TCOF1: variants seen among roughly 807,000 people sequenced by gnomAD.
The protein encoded by TCOF1 is treacle protein.
TCOF1 carries 33 observed loss-of-function variants against 149.0 expected under a neutral mutation model. The observed-to-expected ratio is 0.22, with a 90% confidence interval of 0.17 to 0.30. TCOF1 has a LOEUF of 0.30. Ranked by LOEUF, TCOF1 falls within the 10% of genes least tolerant of loss-of-function variation. The pLI is 1.00. For missense variants in TCOF1, 1,728 were observed against 1,840.7 expected (o/e 0.94, Z 1.12); for synonymous variants, 789 against 738.8 (o/e 1.07, Z -1.10).
At chr5:150,391,076 G>T (rs1167680954) in intron 19 of TCOF1, among the ~76,000 whole-genome samples, 1 of 152,138 alleles carries the variant, frequency 6.6e-6, no homozygotes, top group Non-Finnish European at 1.5e-5. Flanking sequence ...CAGGTACCAG[G>T]TCTTCGGGGG....
intron 2 of TCOF1, among the ~76,000 whole-genome samples, chr5:150,363,336 A>G (rs769914518): frequency 2.6e-5 from 4 of 152,192 alleles, no homozygotes; most frequent in Non-Finnish European, 5.9e-5. Flanking sequence ...CCAAACCATG[A>G]CAGAGCAGAG....
In TCOF1 at chr5:150,375,442, C is replaced by T; in HGVS notation, c.1592C>T (p.Pro531Leu). Residue 531 changes from proline to leucine, a missense_variant, in exon 11 of 27, where the codon CCT becomes CTT. Physicochemically the swap from Pro to Leu is moderately conservative, Grantham distance 98. Coordinates refer to ENST00000643257, the MANE Select transcript of TCOF1 (RefSeq NM_001371623.1). ...CCAGTGCCACCCGGGAAGGTGGGGCCTGCAACCCCCTCAGCCCAGGTGGGG... is the reference window on the plus strand; with the variant it reads ...CCAGTGCCACCCGGGAAGGTGGGGCTTGCAACCCCCTCAGCCCAGGTGGGG... Reference protein sequence around the residue: ...AGPVPPGKVGPATPSAQVGKW... With the variant: ...AGPVPPGKVGLATPSAQVGKW... 1 of 1,613,830 alleles carries T rather than the reference C, an allele frequency of 6.2e-7. No individual in the cohort carries two copies. Among genetic ancestry groups the T allele is most frequent in the Non-Finnish European group, 8.5e-7 (1 of 1,179,890 alleles).
chr5:150,371,564 G>C (rs968020877), intron 6 of TCOF1, among the ~76,000 whole-genome samples: 18 of 152,224 alleles, frequency 1.2e-4, no homozygotes, highest in African/African-American at 4.3e-4. Flanking sequence ...ATTTGCCCAA[G>C]GTGTGGCAAG....
chr5:150,368,361 A>G (rs1328644471), intron 4 of TCOF1: 2 of 365,576 alleles, frequency 5.5e-6, no homozygotes, highest in African/African-American at 4.1e-5. Flanking sequence ...TAATCCAGAA[A>G]GCAGAGTTAG....
At position 150,381,390 on chromosome 5, in the gene TCOF1, C is replaced by T. The variant is rs571210701; in HGVS notation, c.2859+1658C>T. Among the ~76,000 whole-genome samples, 158 of 152,340 alleles carry T rather than the reference C, an allele frequency of 1.0e-3. 1 individual carries two copies. Among genetic ancestry groups the T allele is most frequent in the African/African-American group, 3.6e-3 (150 of 41,580 alleles). On this transcript the variant is annotated intron_variant, in intron 17 of 26. Coordinates refer to ENST00000643257, the MANE Select transcript of TCOF1 (RefSeq NM_001371623.1). ...GGGGCAAGACAGGTGACCGGATTAT[C>T]GCAGACTATGCTAGTGGTGCTGACA...
intron 17 of TCOF1, among the ~76,000 whole-genome samples, chr5:150,381,645 G>A (rs910601995): frequency 2.0e-5 from 3 of 152,198 alleles, no homozygotes; most frequent in South Asian, 4.1e-4. Context: ...CATAGGCCCC[G>A]GCCATATTTT....
intron 9 of TCOF1, 37 bp from the exon 10 acceptor site, chr5:150,374,917 C>T: frequency 6.2e-7 from 1 of 1,613,746 alleles, no homozygotes; most frequent in Non-Finnish European, 8.5e-7. Context: ...ACACGTCCAC[C>T]CTCTGGGCTC....
chr5:150,369,425 C>A, intron 5 of TCOF1, 104 bp from the exon 6 acceptor site: 1 of 1,375,768 alleles, frequency 7.3e-7, no homozygotes, highest in Non-Finnish European at 1.0e-6. Context: ...GGTGAGCGCT[C>A]AGCACCTGGC....
In TCOF1 at chr5:150,374,357, G is replaced by A; in HGVS notation, c.1054G>A (p.Glu352Lys). Residue 352 changes from glutamate to lysine, a missense_variant, in exon 8 of 27, where the codon GAG (glutamate) becomes AAG (lysine). This residue lies in a region of TCOF1 where 1,696 missense variants were observed against 1,765.4 expected (regional missense o/e 0.96). Transcript: ENST00000643257. ...SSEESSDSEE[E>K]TPAAKALLQA... ...CGAGGAGTCATCTGACAGTGAGGAG[G>A]AGACGCCAGCTGCCAAGGCCCTGCT... 6.4e-7 allele frequency: 1 copy of A among 1,559,410 alleles called. No homozygotes were observed. The highest frequency in any genetic ancestry group is 8.7e-7 in the Non-Finnish European group (1 of 1,151,334).
chr5:150,369,713 A>AG, intron 6 of TCOF1, 111 bp downstream of exon 6: 1 of 1,193,506 alleles, frequency 8.4e-7, no homozygotes, highest in Non-Finnish European at 1.2e-6. Flanking sequence ...CAACTGTGGT[A>AG]GGGTGACCAG....
chr5:150,392,900 C>G, intron 22 of TCOF1, 110 bp downstream of exon 22: 1 of 1,335,154 alleles, frequency 7.5e-7, no homozygotes, highest in Non-Finnish European at 1.0e-6. Context: ...CCTCTCTTCA[C>G]AGAGGCCTTG....
rs563727691 is a variant in TCOF1 at position 150,376,614 on chromosome 5, A to C, written c.2334A>C (p.Pro778=). Residue 778 remains proline (P), a synonymous_variant, in exon 14 of 27, where the codon CCA becomes CCC. Transcript: ENST00000643257. The part of the protein sequence containing the change: ...ESDSEEAAAS[P]AQVKTSVKKT... The stretch of plus-strand genomic sequence containing the variant: ...ACAGTGAGGAAGCAGCTGCATCTCC[A>C]GCACAGGTGAGGCCTAGAAGGAGCA... 2.6e-5 allele frequency: 41 copies of C among 1,562,622 alleles called. No individual in the cohort carries two copies. The highest frequency in any genetic ancestry group is 3.6e-5 in the Non-Finnish European group (41 of 1,153,936).
At chr5:150,385,220 C>A in intron 17 of TCOF1, 3 of 503,248 alleles carry the variant, frequency 6.0e-6, no homozygotes, top group Non-Finnish European at 7.7e-6. Context: ...AAGACGTAGG[C>A]CCTGCTCTCA....
At chr5:150,376,757 CTA>C in intron 14 of TCOF1, 137 bp downstream of exon 14, 1 of 854,378 alleles carries the variant, frequency 1.2e-6, no homozygotes, top group Non-Finnish European at 1.9e-6. Context: ...GCTTCCTTCC[CTA>C]TCTTTCACTC....
chr5:150,392,153 G>A lies in TCOF1; in HGVS notation c.3494G>A (p.Gly1165Glu). 1.2e-6 allele frequency: 2 copies of A among 1,614,142 alleles called. No individual in the cohort carries two copies. Among genetic ancestry groups the A allele is most frequent in the Non-Finnish European group, 1.7e-6 (2 of 1,180,002 alleles). The change falls in exon 21 of 27, where the codon GGG (glycine) becomes GAG (glutamate). Residue 1165 changes from glycine (G) to glutamate (E), a missense_variant. Transcript: ENST00000643257. ...GAGGAAGATGGTGAAGGGCCCCAGGGGGCCAAGTCAGCCCACACGCTGGGT... is the reference window on the plus strand; with the variant it reads ...GAGGAAGATGGTGAAGGGCCCCAGGAGGCCAAGTCAGCCCACACGCTGGGT... ...GSEEDGEGPQGAKSAHTLVGP... is the reference protein window; with the variant it reads ...GSEEDGEGPQEAKSAHTLVGP...
chr5:150,376,188 G>A lies in TCOF1; in HGVS notation c.2000G>A (p.Arg667Gln), dbSNP rs146735293. ...APVRVGTQAPRKAGTATSPAG... is the reference protein window; with the variant it reads ...APVRVGTQAPQKAGTATSPAG... Reference sequence around the variant, plus strand: ...GTGCGAGTGGGCACCCAAGCCCCCCGGAAAGCAGGAACTGCGACTTCTCCA... The same window carrying A: ...GTGCGAGTGGGCACCCAAGCCCCCCAGAAAGCAGGAACTGCGACTTCTCCA... The change falls in exon 13 of 27, where the codon CGG (arginine) becomes CAG (glutamine). Residue 667 changes from arginine to glutamine, a missense_variant. Physicochemically the swap from Arg to Gln is conservative, Grantham distance 43. Transcript: ENST00000643257. 8.3e-4 allele frequency: 1,336 copies of A among 1,614,070 alleles called. 1 individual carries two copies. The highest frequency in any genetic ancestry group is 1.1e-3 in the Non-Finnish European group (1,268 of 1,180,028).
At chr5:150,362,765 A>C (rs946607194) in intron 2 of TCOF1, among the ~76,000 whole-genome samples, 3 of 152,158 alleles carry the variant, frequency 2.0e-5, no homozygotes, top group African/African-American at 7.2e-5. Context: ...ACACTTCCTC[A>C]CCCTGACTTG....
chr5:150,397,749 G>T (rs1768878445), intron 24 of TCOF1, among the ~76,000 whole-genome samples: 1 of 152,182 alleles, frequency 6.6e-6, no homozygotes, highest in African/African-American at 2.4e-5. Flanking sequence ...TCCATTTACA[G>T]TAGGGATAGA....
At chr5:150,398,616 A>C (rs1017191523) in intron 25 of TCOF1, among the ~76,000 whole-genome samples, 165 bp downstream of exon 25, 2 of 152,120 alleles carry the variant, frequency 1.3e-5, no homozygotes, top group East Asian at 3.9e-4. Context: ...ATGTTCCCTG[A>C]GCACATGGAA....
Sources: gnomAD v4.1 joint callset for allele counts (sites outside exome capture counted in the v4.1 genomes callset) on GRCh38, gnomAD v4.1.1 for gene constraint, gnomAD v4.1.1 regional missense constraint, MANE v1.5 for transcripts, NCBI Gene and HGNC (gene_info 2026-07-23, HGNC 2026-07-21) for gene names.